The following NRP2 variants were observed in gnomAD, a reference collection of about 807,000 sequenced individuals.
NRP2 encodes the protein neuropilin-2.
NRP2 carries 52 observed loss-of-function variants against 110.4 expected under a neutral mutation model. The observed-to-expected ratio is 0.47, with a 90% CI of 0.38 to 0.59. The LOEUF (loss-of-function observed/expected upper bound fraction) is 0.59. NRP2 is among the 20% of genes least tolerant of loss of function. The pLI is 0.00. For missense variants in NRP2, 1,049 were observed against 1,203.0 expected (o/e 0.87, Z 1.89); for synonymous variants, 508 against 468.9 (o/e 1.08, Z -1.08).
intron 2 of NRP2, among the ~76,000 whole-genome samples, chr2:205,698,806 A>C (rs1184400926): frequency 6.6e-6 from 1 of 152,228 alleles, no homozygotes; most frequent in Non-Finnish European, 1.5e-5. Flanking sequence ...AAATTGTCTA[A>C]GCATTCCTTG....
intron 15 of NRP2, among the ~76,000 whole-genome samples, chr2:205,790,548 C>A (rs1172740417): frequency 6.6e-6 from 1 of 152,114 alleles, no homozygotes; most frequent in East Asian, 1.9e-4. Context: ...TTCACATATT[C>A]TTATCCAGTG....
chr2:205,689,730 C>T (rs2056263135), intron 1 of NRP2, among the ~76,000 whole-genome samples: 1 of 152,062 alleles, frequency 6.6e-6, no homozygotes, highest in African/African-American at 2.4e-5. Context: ...TTTTTAATCT[C>T]TCATTTCCTT....
intron 1 of NRP2, among the ~76,000 whole-genome samples, chr2:205,687,913 A>C (rs1300940171): frequency 6.6e-6 from 1 of 152,216 alleles, no homozygotes; most frequent in Non-Finnish European, 1.5e-5. Flanking sequence ...GAGGAGAGAC[A>C]CCAGGGACCA....
chr2:205,764,741 C>T (rs987412111), intron 13 of NRP2, among the ~76,000 whole-genome samples: 7 of 152,180 alleles, frequency 4.6e-5, no homozygotes, highest in Non-Finnish European at 7.3e-5. Flanking sequence ...GTACAGCCTG[C>T]AGTCCCTGTC....
chr2:205,685,042 G>T (rs965778052), intron 1 of NRP2, among the ~76,000 whole-genome samples: 1 of 152,192 alleles, frequency 6.6e-6, no homozygotes, highest in African/African-American at 2.4e-5. Flanking sequence ...TGAAGACTCA[G>T]GGGCCATCTC....
chr2:205,747,838 C>T (rs1018455176), intron 10 of NRP2, among the ~76,000 whole-genome samples: 6 of 152,174 alleles, frequency 3.9e-5, no homozygotes, highest in Admixed American at 1.3e-4. Context: ...CCAATCCCAA[C>T]ATGCCCCAAA....
rs2057108324 is a variant in NRP2, at chr2:205,725,413, C to A, written c.821-500C>A. ...TGCATGTGCTCATGGAGAGATTTCC[C>A]AAAGACAAGTATTTATGCTTTGTAA... On this transcript the variant is annotated intron_variant, in intron 5 of 16. Coordinates refer to ENST00000357785, the MANE Select transcript of NRP2 (RefSeq NM_003872.3). The surrounding 1 kb of genome is among the most constrained non-coding windows in gnomAD (Gnocchi z 4.1). Among the ~76,000 whole-genome samples the A allele has an allele frequency of 6.6e-6, 1 of 152,174 alleles. No individual in the cohort carries two copies. The highest frequency in any genetic ancestry group is 2.4e-5 in the African/African-American group (1 of 41,436).
At chr2:205,761,663 G>T (rs764954517) in intron 12 of NRP2, among the ~76,000 whole-genome samples, 9 of 152,212 alleles carry the variant, frequency 5.9e-5, no homozygotes, top group Non-Finnish European at 1.3e-4. Flanking sequence ...AAGCCAGTTT[G>T]CCTCAAACAG....
intron 3 of NRP2, among the ~76,000 whole-genome samples, chr2:205,720,945 C>G (rs1019873000): frequency 1.3e-5 from 2 of 152,184 alleles, no homozygotes; most frequent in African/African-American, 4.8e-5. Flanking sequence ...CCCTTGCCCT[C>G]GTGTGTTCCT....
chr2:205,792,097 T>C (rs1244636420), intron 15 of NRP2, 138 bp from the exon 16 acceptor site: 3 of 673,984 alleles, frequency 4.5e-6, no homozygotes, highest in South Asian at 3.2e-5. Context: ...ATGTCCATAA[T>C]GAATGATCTA....
chr2:205,743,171 T>C (rs1329741775), intron 8 of NRP2, 32 bp from the exon 9 acceptor site: 1 of 1,605,344 alleles, frequency 6.2e-7, no homozygotes, highest in South Asian at 1.1e-5. Flanking sequence ...GTGTCAGCCA[T>C]GACCTCTTGT....
chr2:205,776,460 G>A (rs201977611), intron 15 of NRP2: 2 of 1,612,446 alleles, frequency 1.2e-6, no homozygotes, highest in Non-Finnish European at 1.7e-6. Flanking sequence ...ACACCAACGG[G>A]GCCCCTCTGG....
Position 205,717,512 on chromosome 2 carries a change from G to A in NRP2, c.433+1138G>A, listed in dbSNP as rs73064184. On this transcript the variant is annotated intron_variant, in intron 3 of 16. Coordinates refer to ENST00000357785, the MANE Select transcript of NRP2 (RefSeq NM_003872.3). ...AAATATTTGTCGGATTTGTCTGCCC[G>A]AGAACAAGAACGTGGAATCAAATGA... Among the ~76,000 whole-genome samples, 1,172 of 152,328 alleles carry A rather than the reference G, an allele frequency of 7.7e-3. 15 individuals carry two copies. Among genetic ancestry groups the A allele is most frequent in the African/African-American group, 0.027 (1,131 of 41,572 alleles).
intron 15 of NRP2, chr2:205,776,994 G>A (rs1301963435): frequency 3.5e-5 from 37 of 1,048,980 alleles, no homozygotes; most frequent in African/African-American, 5.0e-5. Flanking sequence ...GTGAGAGAGC[G>A]GCTGGTTCAT....
At chr2:205,714,408 C>A (rs181434441) in intron 2 of NRP2, among the ~76,000 whole-genome samples, 10 of 152,324 alleles carry the variant, frequency 6.6e-5, no homozygotes, top group Non-Finnish European at 8.8e-5. Flanking sequence ...GCCTCTCAAC[C>A]TTTGTGCACA....
intron 12 of NRP2, among the ~76,000 whole-genome samples, chr2:205,753,981 T>C (rs2057693965): frequency 6.6e-6 from 1 of 152,250 alleles, no homozygotes; most frequent in African/African-American, 2.4e-5. Flanking sequence ...TTTAATACAA[T>C]TTATTGAATT....
chr2:205,727,769 G>A (rs1268384746), intron 6 of NRP2, 122 bp from the exon 7 acceptor site: 29 of 921,438 alleles, frequency 3.1e-5, no homozygotes, highest in Non-Finnish European at 4.7e-5. Flanking sequence ...TTACAAGTAT[G>A]TCTCAGTGAA....
At chr2:205,688,564 G>A (rs2056229789) in intron 1 of NRP2, among the ~76,000 whole-genome samples, 1 of 152,168 alleles carries the variant, frequency 6.6e-6, no homozygotes, top group African/African-American at 2.4e-5. Context: ...GGCCCTCCAG[G>A]AGAAAGCATC....
chr2:205,767,881 A>C (rs1479802461), intron 15 of NRP2: 1 of 154,492 alleles, frequency 6.5e-6, no homozygotes, highest in Middle Eastern at 3.2e-3. Flanking sequence ...TTACCCCTAC[A>C]AGTGGCAGCA....
Sources: gnomAD v4.1 joint callset for allele counts (sites outside exome capture counted in the v4.1 genomes callset) on GRCh38, gnomAD v4.1.1 for gene constraint, Gnocchi (gnomAD v3.1) non-coding constraint, MANE v1.5 for transcripts, NCBI Gene and HGNC (gene_info 2026-07-23, HGNC 2026-07-21) for gene names.